Variants in IQCB1 observed in about 807,000 individuals in gnomAD.
IQCB1 encodes IQ calmodulin-binding motif-containing protein 1.
A neutral mutation model predicts 84.4 loss-of-function variants in IQCB1; 56 were observed. The observed-to-expected ratio is 0.66, with a 90% CI of 0.54 to 0.83. IQCB1 has a LOEUF of 0.83. IQCB1 is among the 40% of genes least tolerant of loss of function. The pLI, the probability that IQCB1 is intolerant of heterozygous loss-of-function variation, is 0.00. For synonymous variants in IQCB1, 210 were observed against 234.8 expected, an observed-to-expected ratio of 0.89 and a Z score of 0.96; for missense variants, 629 against 682.1, an observed-to-expected ratio of 0.92 and a Z score of 0.87.
chr3:121,802,700 G>T (rs940902425), intron 7 of IQCB1, among the ~76,000 whole-genome samples: 2 of 152,022 alleles, frequency 1.3e-5, no homozygotes, highest in South Asian at 4.1e-4. Flanking sequence ...CTTCTGCTTA[G>T]AGTTTAATTC....
chr3:121,772,575 T>C lies in IQCB1; in HGVS notation c.1549A>G (p.Asn517Asp), dbSNP rs139468837. The part of the protein sequence containing the change: ...REALIAQIST[N>D]VEQLMKAPSL... The stretch of plus-strand genomic sequence containing the variant: ...CACATACTCATTAGCTGTTCAACGT[T>C]GGTGCTGATCTGTGCTATCAGAGCT... Residue 517 changes from asparagine (N) to aspartate (D), a missense_variant, in exon 14 of 15, where the codon AAC (asparagine) becomes GAC (aspartate). Transcript: ENST00000310864. 1.2e-6 allele frequency: 2 copies of C among 1,614,112 alleles called. No homozygotes were observed. Among genetic ancestry groups the C allele is most frequent in the African/African-American group, 2.7e-5 (2 of 74,936 alleles).
At chr3:121,792,441 C>T (rs1949021525) in intron 10 of IQCB1, among the ~76,000 whole-genome samples, 2 of 151,496 alleles carry the variant, frequency 1.3e-5, no homozygotes, top group Admixed American at 6.6e-5. Context: ...GGGTGGATCA[C>T]GAGGTCAGGA....
At chr3:121,807,306 A>G (rs1232303688) in intron 7 of IQCB1, 38 bp downstream of exon 7, 3 of 523,912 alleles carry the variant, frequency 5.7e-6, no homozygotes, top group Non-Finnish European at 1.0e-5. Context: ...TGCTTCTGAT[A>G]AAAAAAAAGC....
intron 7 of IQCB1, among the ~76,000 whole-genome samples, chr3:121,804,335 T>C (rs917951718): frequency 6.6e-6 from 1 of 152,112 alleles, no homozygotes; most frequent in African/African-American, 2.4e-5. Context: ...TAAGAAAAAC[T>C]ATCTTATATG....
At chr3:121,816,947 GAC>G (rs1950085637) in intron 5 of IQCB1, among the ~76,000 whole-genome samples, 1 of 152,140 alleles carries the variant, frequency 6.6e-6, no homozygotes. Context: ...CTACTATAAA[GAC>G]ACATGCACAC....
chr3:121,832,759 T>C (rs1950693082), intron 2 of IQCB1, among the ~76,000 whole-genome samples: 1 of 152,188 alleles, frequency 6.6e-6, no homozygotes, highest in Admixed American at 6.5e-5. Flanking sequence ...GTTTTTTTGG[T>C]TTTGTTTTCC....
At chr3:121,806,558 T>C (rs1023691896) in intron 7 of IQCB1, among the ~76,000 whole-genome samples, 3 of 152,106 alleles carry the variant, frequency 2.0e-5, no homozygotes, top group Admixed American at 2.0e-4. Context: ...CTTTTGTTTA[T>C]GTTGCCTGGA....
chr3:121,772,837 A>G, intron 13 of IQCB1, 124 bp from the exon 14 acceptor site: 1 of 863,382 alleles, frequency 1.2e-6, no homozygotes, highest in East Asian at 2.4e-5. Flanking sequence ...CTTATGATTG[A>G]TGTCTATCTT....
chr3:121,786,170 C>CAAGAAAAGAAAAGAAAGAAAGAAAA, intron 12 of IQCB1, among the ~76,000 whole-genome samples: 1 of 72,848 alleles, frequency 1.4e-5, no homozygotes, highest in East Asian at 2.8e-4. Flanking sequence ...GATTCTGTCT[C>CAAGAAAAGAAAAGAAAGAAAGAAAA]AAAAGAAAAG....
At chr3:121,772,510 C>T (rs753183063) in intron 14 of IQCB1, 47 bp downstream of exon 14, 23 of 1,601,748 alleles carry the variant, frequency 1.4e-5, no homozygotes, top group Middle Eastern at 1.7e-4. Flanking sequence ...TCACAAACCT[C>T]GCATAGGTTG....
chr3:121,785,330 G>A (rs1217787641), intron 12 of IQCB1, among the ~76,000 whole-genome samples: 1 of 151,274 alleles, frequency 6.6e-6, no homozygotes, highest in South Asian at 2.1e-4. Flanking sequence ...ACAGCTCACT[G>A]CAGCCTCAAC....
intron 5 of IQCB1, among the ~76,000 whole-genome samples, chr3:121,819,710 T>C (rs1322629494): frequency 2.0e-5 from 3 of 152,172 alleles, no homozygotes; most frequent in Non-Finnish European, 4.4e-5. Context: ...CATGCTGAAT[T>C]TTGAATGATT....
At chr3:121,823,341 A>G (rs1950341776) in intron 5 of IQCB1, among the ~76,000 whole-genome samples, 1 of 152,170 alleles carries the variant, frequency 6.6e-6, no homozygotes, top group African/African-American at 2.4e-5. Context: ...GACACATGAA[A>G]CTCAGGACCT....
intron 5 of IQCB1, among the ~76,000 whole-genome samples, chr3:121,810,857 A>T (rs1351403137): frequency 6.6e-6 from 1 of 152,242 alleles, no homozygotes; most frequent in Non-Finnish European, 1.5e-5. Flanking sequence ...ACCTGAATTA[A>T]ACTAAATCTA....
chr3:121,800,859 C>T (rs1032304551), intron 7 of IQCB1, among the ~76,000 whole-genome samples: 4 of 151,878 alleles, frequency 2.6e-5, no homozygotes, highest in East Asian at 3.8e-4. Context: ...CAAACCACTG[C>T]ATCTAGTTTT....
chr3:121,788,255 C>G lies in IQCB1; in HGVS notation c.1278+29G>C, dbSNP rs746193709. The G allele has an allele frequency of 2.5e-6, 4 of 1,610,470 alleles. No homozygotes were observed. The East Asian group carries it at 8.9e-5, about 36-fold the overall frequency. On this transcript the variant is annotated intron_variant, in intron 12 of 14. Transcript: ENST00000310864. Reference sequence around the variant, plus strand: ...GAACTCATGTTTTTGCCTCTTGATTCAGAGCTCTTTTCACTACATTAGACT... The same window carrying G: ...GAACTCATGTTTTTGCCTCTTGATTGAGAGCTCTTTTCACTACATTAGACT...
intron 14 of IQCB1, among the ~76,000 whole-genome samples, chr3:121,771,750 AAC>A (rs1350452323): frequency 1.3e-5 from 2 of 152,330 alleles, no homozygotes; most frequent in East Asian, 3.9e-4. Flanking sequence ...TTAAATAGAA[AAC>A]ACTGGTCCTT....
chr3:121,822,270 T>C (rs972917361), intron 5 of IQCB1, among the ~76,000 whole-genome samples: 1 of 152,214 alleles, frequency 6.6e-6, no homozygotes. Context: ...TCTCTTTCTT[T>C]CTCTCTCTCC....
chr3:121,802,310 A>G (rs531705097), intron 7 of IQCB1, among the ~76,000 whole-genome samples: 1 of 152,028 alleles, frequency 6.6e-6, no homozygotes, highest in East Asian at 1.9e-4. Context: ...ATTTTTTTTT[A>G]TAGCTATCTA....
Sources: gnomAD v4.1 joint callset for allele counts (sites outside exome capture counted in the v4.1 genomes callset) on GRCh38, gnomAD v4.1.1 for gene constraint, MANE v1.5 for transcripts, NCBI Gene and HGNC (gene_info 2026-07-23, HGNC 2026-07-21) for gene names.